The following WDPCP variants were observed in gnomAD, a reference collection of about 807,000 sequenced individuals.
WDPCP encodes the protein WD repeat-containing and planar cell polarity effector protein fritz homolog.
A neutral mutation model predicts 93.1 loss-of-function variants in WDPCP; 71 were observed. The ratio of observed to expected loss-of-function variants is 0.76; its 90% confidence interval spans 0.63 to 0.93. WDPCP has a LOEUF of 0.93. Among genes scored for constraint, WDPCP ranks in the 40% least tolerant of loss-of-function variants. The pLI is 0.00. For missense variants in WDPCP, 844 were observed against 887.4 expected (o/e 0.95, Z 0.62); for synonymous variants, 315 against 315.0 (o/e 1.00, Z 0.00).
At chr2:63,333,270 A>G (rs1038128833) in intron 12 of WDPCP, among the ~76,000 whole-genome samples, 23 of 152,334 alleles carry the variant, frequency 1.5e-4, no homozygotes, top group African/African-American at 4.6e-4. Flanking sequence ...TGACTCTGTC[A>G]TAACAAGGAA....
chr2:63,264,443 T>C (rs1681929478), intron 13 of WDPCP, among the ~76,000 whole-genome samples: 1 of 152,118 alleles, frequency 6.6e-6, no homozygotes, highest in South Asian at 2.1e-4. Context: ...ATCGAGACCA[T>C]CCTGGCTAAC....
At chr2:63,695,987 G>A (rs780881697) in intron 2 of WDPCP, among the ~76,000 whole-genome samples, 5 of 152,130 alleles carry the variant, frequency 3.3e-5, no homozygotes, top group Non-Finnish European at 7.3e-5. Flanking sequence ...CATTTGATTT[G>A]GAGATGGTTG....
At chr2:63,800,152 T>G (rs1670674422) in intron 2 of WDPCP, among the ~76,000 whole-genome samples, 1 of 152,234 alleles carries the variant, frequency 6.6e-6, no homozygotes, top group African/African-American at 2.4e-5. Flanking sequence ...GCTTTTAGAA[T>G]GTATCCAAAT....
At chr2:63,772,749 CAT>C (rs1670247932) in intron 2 of WDPCP, among the ~76,000 whole-genome samples, 1 of 151,926 alleles carries the variant, frequency 6.6e-6, no homozygotes, top group Non-Finnish European at 1.5e-5. Flanking sequence ...TTACTCATGA[CAT>C]AAAATAAAAC....
At chr2:63,439,264 CT>C (rs936230685) in intron 7 of WDPCP, among the ~76,000 whole-genome samples, 1 of 152,094 alleles carries the variant, frequency 6.6e-6, no homozygotes. Context: ...TAGGACCTGA[CT>C]GTCCAGTATA....
intron 17 of WDPCP, among the ~76,000 whole-genome samples, chr2:63,150,388 G>A (rs2103798718): frequency 6.6e-6 from 1 of 152,266 alleles, no homozygotes; most frequent in African/African-American, 2.4e-5. Context: ...GAAACTACTG[G>A]CATTCAGTAG....
At chr2:63,659,851 G>C (rs1436705543) in intron 2 of WDPCP, among the ~76,000 whole-genome samples, 1 of 152,144 alleles carries the variant, frequency 6.6e-6, no homozygotes, top group East Asian at 1.9e-4. Flanking sequence ...GGACCAGCTT[G>C]CTCTCTCATG....
intron 14 of WDPCP, among the ~76,000 whole-genome samples, chr2:63,194,149 C>T (rs748266723): frequency 2.6e-5 from 4 of 152,080 alleles, no homozygotes; most frequent in Non-Finnish European, 5.9e-5. Flanking sequence ...TCACTTAGTT[C>T]ACACTTTGTT....
At chr2:63,541,979 T>C (rs562756371) in intron 1 of WDPCP, among the ~76,000 whole-genome samples, 30 of 152,152 alleles carry the variant, frequency 2.0e-4, no homozygotes, top group Non-Finnish European at 4.3e-4. Context: ...TATGTACACA[T>C]ATATGTTTAT....
chr2:63,437,937 C>A, intron 7 of WDPCP: 1 of 1,544,218 alleles, frequency 6.5e-7, no homozygotes, highest in South Asian at 1.3e-5. Flanking sequence ...TAGAAACCAT[C>A]CGAGGATAAA....
intron 3 of WDPCP, among the ~76,000 whole-genome samples, chr2:63,609,259 C>G (rs1709589202): frequency 6.6e-6 from 1 of 152,014 alleles, no homozygotes; most frequent in Non-Finnish European, 1.5e-5. Flanking sequence ...CCCAGCTACT[C>G]AGGAGGCTGA....
intron 1 of WDPCP, among the ~76,000 whole-genome samples, chr2:63,575,518 A>ACAGTATATACAGTGTATGCACT (rs1427622731): frequency 4.0e-5 from 3 of 74,312 alleles, no homozygotes; most frequent in African/African-American, 1.8e-4. Flanking sequence ...CTGTATATAT[A>ACAGTATATACAGTGTATGCACT]GTATATACAG....
chr2:63,710,515 G>A (rs1044736831), intron 2 of WDPCP, among the ~76,000 whole-genome samples: 2 of 152,186 alleles, frequency 1.3e-5, no homozygotes, highest in Non-Finnish European at 2.9e-5. Context: ...TGCACACATA[G>A]AGTATGCCCT....
intron 17 of WDPCP, among the ~76,000 whole-genome samples, chr2:63,137,580 T>A (rs192277553): frequency 1.2e-3 from 184 of 152,296 alleles, no homozygotes; most frequent in Middle Eastern, 6.8e-3. Flanking sequence ...TTAGTCAATT[T>A]TGCTTTTGTT....
chr2:63,152,914 C>T lies in WDPCP; in HGVS notation c.2190G>A (p.Gln730=), dbSNP rs1296687131. ...DGELREDGRE[Q]EIRDGGSLKM... ...GTAATAAACAGAGAAAGTGTTTTAC[C>T]TGTTCTCTGCCGTCTTCTCTCAGTT... Residue 730 remains glutamine (Q), a splice_region_variant and synonymous_variant, in exon 17 of 18, where the codon CAG becomes CAA. Coordinates refer to ENST00000272321, the MANE Select transcript of WDPCP (RefSeq NM_015910.7). 6.2e-7 allele frequency: 1 copy of T among 1,611,234 alleles called. No homozygotes were observed.
chr2:63,818,459 G>C (rs1404724464), intron 1 of WDPCP, among the ~76,000 whole-genome samples: 1 of 152,190 alleles, frequency 6.6e-6, no homozygotes, highest in Non-Finnish European at 1.5e-5. Context: ...AGAGAGCCTG[G>C]AGATGAGGAG....
intron 2 of WDPCP, among the ~76,000 whole-genome samples, chr2:63,759,315 C>G (rs1295828555): frequency 6.6e-6 from 1 of 152,156 alleles, no homozygotes; most frequent in Non-Finnish European, 1.5e-5. Context: ...GTATCGGCCT[C>G]TGTATGGAGG....
At chr2:63,197,311 A>G (rs1470211539) in intron 14 of WDPCP, among the ~76,000 whole-genome samples, 1 of 152,334 alleles carries the variant, frequency 6.6e-6, no homozygotes, top group East Asian at 1.9e-4. Context: ...AGAAGATAGT[A>G]TATAATATAA....
At chr2:63,672,712 C>CTTTATTTTAT (rs70965140) in intron 2 of WDPCP, among the ~76,000 whole-genome samples, 3,962 of 113,048 alleles carry the variant, frequency 0.035, 256 homozygotes, top group African/African-American at 0.12. Flanking sequence ...TCACTGAAGC[C>CTTTATTTTAT]TTTATTTTAT....
Sources: allele counts gnomAD v4.1 joint callset (sites outside exome capture counted in the v4.1 genomes callset), GRCh38; gene constraint gnomAD v4.1.1; transcripts MANE v1.5; gene names NCBI Gene and HGNC (gene_info 2026-07-23, HGNC 2026-07-21).